The following RNF217 variants were observed in gnomAD, a reference collection of about 807,000 sequenced individuals.
RNF217 encodes ring finger protein 217, also known as E3 ubiquitin-protein ligase RNF217.
A neutral mutation model predicts 57.8 loss-of-function variants in RNF217; 31 were observed. The ratio of observed to expected loss-of-function variants is 0.54; its 90% confidence interval spans 0.40 to 0.72. The LOEUF is 0.72. RNF217 is among the 30% of genes least tolerant of loss of function. RNF217 has a pLI of 0.00. For synonymous variants in RNF217, 313 were observed against 294.0 expected (o/e 1.06, Z -0.66); for missense variants, 696 against 708.3 (o/e 0.98, Z 0.20).
chr6:125,002,638 G>A (rs1785032064), intron 1 of RNF217, among the ~76,000 whole-genome samples: 1 of 152,038 alleles, frequency 6.6e-6, no homozygotes, highest in Admixed American at 6.6e-5. Context: ...GTGTCACGCT[G>A]GCCCCGTATG....
At chr6:125,052,084 C>A (rs1787339430) in intron 2 of RNF217, among the ~76,000 whole-genome samples, 1 of 151,890 alleles carries the variant, frequency 6.6e-6, no homozygotes, top group Admixed American at 6.6e-5. Context: ...TTTCAAACAA[C>A]CCCCATTCTC....
chr6:125,066,832 A>G (rs1787953077), intron 3 of RNF217, among the ~76,000 whole-genome samples: 1 of 152,210 alleles, frequency 6.6e-6, no homozygotes, highest in East Asian at 1.9e-4. Flanking sequence ...GGCTGAATAA[A>G]TAAATGAATA....
At position 125,084,673 on chromosome 6, in the gene RNF217, GA is replaced by G. The variant is rs1788718694; in HGVS notation, c.*1738del. 1 of 151,978 alleles carries G rather than the reference GA, an allele frequency of 6.6e-6. No individual in the cohort carries two copies. The highest frequency in any genetic ancestry group is 1.5e-5 in the Non-Finnish European group (1 of 67,892). 9.4% of individuals were successfully genotyped at this position (151,978 alleles called of 1,614,324 possible). A position where few individuals can be genotyped will look rare whatever the true frequency, so the allele number is the denominator to read the frequency against. On this transcript the variant is annotated 3_prime_UTR_variant, in exon 6 of 6. Coordinates refer to ENST00000521654, the MANE Select transcript of RNF217 (RefSeq NM_001286398.3). ...GCTTTCATTCTTTCTGAATAACACAGAATAACTGTGCTACAGCTTCTGGATT... is the reference window on the plus strand; with the variant it reads ...GCTTTCATTCTTTCTGAATAACACAGATAACTGTGCTACAGCTTCTGGATT...
intron 1 of RNF217, among the ~76,000 whole-genome samples, chr6:125,003,336 A>G (rs1408992612): frequency 4.6e-5 from 7 of 152,196 alleles, no homozygotes; most frequent in Non-Finnish European, 1.0e-4. Flanking sequence ...TCAGACTGAT[A>G]GGGATTAAAA....
intron 3 of RNF217, among the ~76,000 whole-genome samples, chr6:125,058,710 G>A (rs1165407708): frequency 6.6e-6 from 1 of 152,166 alleles, no homozygotes; most frequent in African/African-American, 2.4e-5. Context: ...TAGATGTGTT[G>A]AAAGTTAGCC....
At chr6:124,967,428 G>A (rs995618800) in intron 1 of RNF217, among the ~76,000 whole-genome samples, 1 of 152,252 alleles carries the variant, frequency 6.6e-6, no homozygotes, top group Admixed American at 6.5e-5. Context: ...TCATAAATAT[G>A]AAATATTAAT....
chr6:125,082,950 T>C lies in RNF217; in HGVS notation c.*13T>C. On this transcript the variant is annotated 3_prime_UTR_variant, in exon 6 of 6. Coordinates refer to ENST00000521654, the MANE Select transcript of RNF217 (RefSeq NM_001286398.3). ...TATGCACTGGTAACATGCAGATGAT[T>C]TCATCCAGCTAAGCTGGTTGGAGTA... is the stretch of plus-strand genomic sequence containing the variant. 1 of 1,581,014 alleles carries C rather than the reference T, an allele frequency of 6.3e-7. No individual in the cohort carries two copies. The highest frequency in any genetic ancestry group is 8.6e-7 in the Non-Finnish European group (1 of 1,167,282).
In RNF217 at chr6:125,089,926, C is replaced by A. The variant is rs536677749; in HGVS notation, c.*6989C>A. ...AATTTTTGATATAAATATCTAAATT[C>A]TTTCATTTTATAGAAAATTAGCATG... On this transcript the variant is annotated 3_prime_UTR_variant, in exon 6 of 6. Transcript: ENST00000521654. The A allele has an allele frequency of 6.6e-6, 1 of 152,154 alleles. No homozygotes were observed. The highest frequency in any genetic ancestry group is 6.5e-5 in the Admixed American group (1 of 15,272). The allele number at this position is 152,154 out of a possible 1,614,324, so 9.4% of individuals were successfully genotyped here.
chr6:125,067,697 T>C (rs1413884900), intron 3 of RNF217, among the ~76,000 whole-genome samples: 1 of 152,154 alleles, frequency 6.6e-6, no homozygotes, highest in Non-Finnish European at 1.5e-5. Flanking sequence ...GAAATGGCTG[T>C]GAGGGATATA....
chr6:124,963,305 C>T lies in RNF217; in HGVS notation c.761C>T (p.Pro254Leu), dbSNP rs1258886478. 1.3e-6 allele frequency: 2 copies of T among 1,535,658 alleles called. No homozygotes were observed. The highest frequency in any genetic ancestry group is 1.4e-5 in the African/African-American group (1 of 73,036). Residue 254 changes from proline to leucine, a missense_variant, in exon 1 of 6, where the codon CCC (proline) becomes CTC (leucine). Pro to Leu is a moderately conservative substitution (Grantham distance 98). Transcript: ENST00000521654. ...PYSGLGGVGD[P>L]YVPLMVLMCR... ...TCTGGCCTGGGCGGTGTAGGGGATC[C>T]CTATGTGCCCCTCATGGTGCTGATG...
Position 125,090,209 on chromosome 6 carries a change from G to C in RNF217, c.*7272G>C, listed in dbSNP as rs143307745. The stretch of plus-strand genomic sequence containing the variant: ...ATATAAAACCATTTACCTTGACAAG[G>C]ACAATCTGTTACAGATTTTTAATAT... On this transcript the variant is annotated 3_prime_UTR_variant, in exon 6 of 6. Coordinates refer to ENST00000521654, the MANE Select transcript of RNF217 (RefSeq NM_001286398.3). The C allele has an allele frequency of 6.6e-6, 1 of 151,956 alleles. No individual in the cohort carries two copies. Among genetic ancestry groups the C allele is most frequent in the African/African-American group, 2.4e-5 (1 of 41,398 alleles). 9.4% of individuals were successfully genotyped at this position (151,956 alleles called of 1,614,324 possible).
intron 1 of RNF217, among the ~76,000 whole-genome samples, chr6:125,033,346 C>T (rs1224483723): frequency 9.3e-6 from 1 of 107,030 alleles, no homozygotes; most frequent in Non-Finnish European, 1.8e-5. Flanking sequence ...CCTCCCCCCT[C>T]CCCCCACCCC....
At chr6:125,006,482 A>G (rs545609785) in intron 1 of RNF217, among the ~76,000 whole-genome samples, 1 of 152,332 alleles carries the variant, frequency 6.6e-6, no homozygotes, top group Admixed American at 6.5e-5. Flanking sequence ...AGAAATTTAC[A>G]GCATGCTTTT....
At chr6:124,963,482 TC>T in intron 1 of RNF217, 56 bp downstream of exon 1, 1 of 1,429,130 alleles carries the variant, frequency 7.0e-7, no homozygotes, top group Non-Finnish European at 9.1e-7. Flanking sequence ...GGCGAGGAGG[TC>T]CTGCTCTCGA....
intron 1 of RNF217, among the ~76,000 whole-genome samples, chr6:124,977,643 G>C (rs928532158): frequency 2.0e-5 from 3 of 152,172 alleles, no homozygotes; most frequent in Non-Finnish European, 4.4e-5. Context: ...GGGTGGTAAG[G>C]AGGTCAAGGT....
chr6:124,971,972 C>T (rs1439489589), intron 1 of RNF217, among the ~76,000 whole-genome samples: 2 of 152,126 alleles, frequency 1.3e-5, no homozygotes, highest in Non-Finnish European at 2.9e-5. Context: ...TTGTTGATTC[C>T]CAAATCTTTA....
rs1783366750 is a variant in RNF217, at chr6:124,963,112, G to A, written c.568G>A (p.Gly190Arg). 3.9e-6 allele frequency: 6 copies of A among 1,537,658 alleles called. No homozygotes were observed. Among genetic ancestry groups the A allele is most frequent in the Non-Finnish European group, 4.4e-6 (5 of 1,148,264 alleles). ...EQLSPPASPPGAPPVLNPPST... is the reference protein window; with the variant it reads ...EQLSPPASPPRAPPVLNPPST... ...GCTCTCGCCGCCCGCGTCGCCACCTGGGGCTCCGCCAGTGTTGAACCCTCC... is the reference window on the plus strand; with the variant it reads ...GCTCTCGCCGCCCGCGTCGCCACCTAGGGCTCCGCCAGTGTTGAACCCTCC... Residue 190 changes from glycine to arginine, a missense_variant, in exon 1 of 6, where the codon GGG becomes AGG. Transcript: ENST00000521654.
intron 2 of RNF217, chr6:125,046,452 C>T (rs1174265509): frequency 2.6e-6 from 1 of 382,062 alleles, no homozygotes; most frequent in Non-Finnish European, 5.2e-6. Context: ...CGAGAACTTC[C>T]ATGACACACC....
chr6:124,971,454 T>TTTTG (rs540542402), intron 1 of RNF217: 12 of 328,938 alleles, frequency 3.6e-5, no homozygotes, highest in South Asian at 9.8e-5. Context: ...TTAAGTTTTT[T>TTTTG]TTTGTTTGTT....
Sources: allele counts gnomAD v4.1 joint callset (sites outside exome capture counted in the v4.1 genomes callset), GRCh38; gene constraint gnomAD v4.1.1; transcripts MANE v1.5; gene names NCBI Gene and HGNC (gene_info 2026-07-23, HGNC 2026-07-21).